The following GRID2 variants were observed in gnomAD, a reference collection of about 807,000 sequenced individuals.
GRID2 encodes the protein glutamate ionotropic receptor delta type subunit 2.
A neutral mutation model predicts 114.8 loss-of-function variants in GRID2; 33 were observed. That is an observed-to-expected ratio of 0.29 (90% CI 0.22 to 0.38). GRID2 has a LOEUF of 0.38. Ranked by LOEUF, GRID2 falls within the 10% of genes least tolerant of loss-of-function variation. GRID2 has a pLI of 1.00. For missense variants in GRID2, 1,184 were observed against 1,257.7 expected, an observed-to-expected ratio of 0.94 and a Z score of 0.89; for synonymous variants, 505 against 449.9, an observed-to-expected ratio of 1.12 and a Z score of -1.55.
At chr4:93,262,954 CA>C (rs1385669964) in intron 8 of GRID2, among the ~76,000 whole-genome samples, 5 of 151,762 alleles carry the variant, frequency 3.3e-5, no homozygotes, top group African/African-American at 4.8e-5. Flanking sequence ...TGCCTATTTA[CA>C]AAAATGTAAC....
intron 14 of GRID2, among the ~76,000 whole-genome samples, chr4:93,659,290 G>T (rs1419333080): frequency 1.3e-5 from 2 of 152,166 alleles, no homozygotes; most frequent in African/African-American, 4.8e-5. Flanking sequence ...GAGGCTGGAG[G>T]TCTCACACTT....
chr4:92,855,025 T>C (rs2149427678), intron 2 of GRID2, among the ~76,000 whole-genome samples: 1 of 152,246 alleles, frequency 6.6e-6, no homozygotes, highest in Non-Finnish European at 1.5e-5. Context: ...ATAAAAGTTC[T>C]GGCATATCTG....
intron 4 of GRID2, among the ~76,000 whole-genome samples, chr4:93,162,721 G>A (rs566701646): frequency 1.3e-5 from 2 of 151,854 alleles, no homozygotes; most frequent in Non-Finnish European, 2.9e-5. Context: ...ATCTGGAGAA[G>A]GGTATCCTAG....
At chr4:92,955,325 G>A (rs1157695627) in intron 2 of GRID2, among the ~76,000 whole-genome samples, 2 of 152,038 alleles carry the variant, frequency 1.3e-5, no homozygotes, top group Non-Finnish European at 1.5e-5. Flanking sequence ...GTGGGAGATG[G>A]TATCTCATTG....
intron 4 of GRID2, among the ~76,000 whole-genome samples, chr4:93,131,082 C>T (rs1222816921): frequency 1.3e-5 from 2 of 151,398 alleles, no homozygotes; most frequent in Middle Eastern, 3.4e-3. Context: ...AACCCTCTCC[C>T]TAGACAGCCT....
intron 2 of GRID2, among the ~76,000 whole-genome samples, chr4:92,650,647 G>A (rs757634912): frequency 9.2e-5 from 14 of 151,776 alleles, no homozygotes; most frequent in African/African-American, 3.1e-4. Context: ...TTATCATTGT[G>A]TCTCTTGGTG....
chr4:92,815,803 C>T (rs1169434374), intron 2 of GRID2, among the ~76,000 whole-genome samples: 1 of 150,340 alleles, frequency 6.7e-6, no homozygotes, highest in East Asian at 2.0e-4. Flanking sequence ...TACCTGTAGT[C>T]CCAGCTACTT....
intron 2 of GRID2, among the ~76,000 whole-genome samples, chr4:93,059,174 T>C (rs1211298973): frequency 1.3e-5 from 2 of 152,126 alleles, no homozygotes; most frequent in Non-Finnish European, 2.9e-5. Context: ...ACATTTGAAA[T>C]GCATGGCAGA....
chr4:93,706,419 C>T (rs1196666203), intron 14 of GRID2, among the ~76,000 whole-genome samples: 2 of 151,990 alleles, frequency 1.3e-5, no homozygotes, highest in African/African-American at 4.8e-5. Flanking sequence ...AGTTGTTTTA[C>T]AGATCTTTCA....
intron 2 of GRID2, among the ~76,000 whole-genome samples, chr4:93,073,620 C>T (rs979673762): frequency 6.6e-6 from 1 of 152,062 alleles, no homozygotes. Flanking sequence ...TCTATTCACC[C>T]TTTATCCCTA....
chr4:93,409,376 G>C (rs1328789016), intron 9 of GRID2, among the ~76,000 whole-genome samples: 5 of 152,166 alleles, frequency 3.3e-5, no homozygotes, highest in African/African-American at 1.2e-4. Context: ...AGAGTTAATA[G>C]CAGCTGTATT....
chr4:93,276,469 G>T (rs1043798212), intron 8 of GRID2, among the ~76,000 whole-genome samples: 3 of 151,956 alleles, frequency 2.0e-5, no homozygotes, highest in Admixed American at 1.3e-4. Context: ...TCGTCTGTAC[G>T]ATAAGCAGTA....
At chr4:92,956,677 G>A (rs945724915) in intron 2 of GRID2, among the ~76,000 whole-genome samples, 1 of 152,120 alleles carries the variant, frequency 6.6e-6, no homozygotes, top group Non-Finnish European at 1.5e-5. Flanking sequence ...AAATAGCAAT[G>A]AGCAGTATGG....
Position 92,319,790 on chromosome 4 carries a change from ATTGT to A in GRID2, c.88+15051_88+15054del, listed in dbSNP as rs560523443. 5.0e-4 allele frequency among the ~76,000 whole-genome samples: 76 copies of A among 152,256 alleles called. 1 individual carries two copies. Among genetic ancestry groups the A allele is most frequent in the Admixed American group, 3.8e-3 (58 of 15,284 alleles). ...AATACATACAGTTATGAAATTTTACATTGTTTGTCACATGTCCATATTTGCTTTC... is the reference window on the plus strand; with the variant it reads ...AATACATACAGTTATGAAATTTTACATTGTCACATGTCCATATTTGCTTTC... On this transcript the variant is annotated intron_variant, in intron 1 of 15. Coordinates refer to ENST00000282020, the MANE Select transcript of GRID2 (RefSeq NM_001510.4).
At chr4:93,263,024 A>G (rs969556438) in intron 8 of GRID2, among the ~76,000 whole-genome samples, 4 of 152,006 alleles carry the variant, frequency 2.6e-5, no homozygotes, top group African/African-American at 7.2e-5. Context: ...TGATAACTAT[A>G]GGAAAAAAAT....
At chr4:93,332,289 T>A (rs373975525) in intron 8 of GRID2, among the ~76,000 whole-genome samples, 35 of 110,770 alleles carry the variant, frequency 3.2e-4, no homozygotes, top group African/African-American at 1.7e-3. Flanking sequence ...TGTGTGTGTG[T>A]GTGTGTGTGT....
At chr4:92,316,017 A>C (rs145630592) in intron 1 of GRID2, among the ~76,000 whole-genome samples, 1 of 149,850 alleles carries the variant, frequency 6.7e-6, no homozygotes, top group Admixed American at 6.6e-5. Context: ...AAAAAAAAGA[A>C]AAGAGAACCC....
At chr4:92,482,522 T>C (rs2149106120) in intron 1 of GRID2, among the ~76,000 whole-genome samples, 1 of 152,348 alleles carries the variant, frequency 6.6e-6, no homozygotes, top group African/African-American at 2.4e-5. Flanking sequence ...GTTGAATTGG[T>C]CAAAGGCAAA....
chr4:92,890,937 A>G (rs1217502126), intron 2 of GRID2, among the ~76,000 whole-genome samples: 2 of 152,210 alleles, frequency 1.3e-5, no homozygotes, highest in Non-Finnish European at 2.9e-5. Flanking sequence ...GCAGCCATAA[A>G]ATAGGATGAG....
Sources: allele counts gnomAD v4.1 joint callset (sites outside exome capture counted in the v4.1 genomes callset), GRCh38; gene constraint gnomAD v4.1.1; transcripts MANE v1.5; gene names NCBI Gene and HGNC (gene_info 2026-07-23, HGNC 2026-07-21).